EYS: variants seen among roughly 807,000 people sequenced by gnomAD.
EYS encodes EGF-like photoreceptor maintenance factor, also known as protein eyes shut homolog.
In EYS, 250 loss-of-function variants were observed where a neutral mutation model predicts 282.1. The observed-to-expected ratio is 0.89, with a 90% CI of 0.80 to 0.98. The LOEUF is 0.98. EYS is among the 50% of genes least tolerant of loss of function. The pLI is 0.00. For synonymous variants in EYS, 1,355 were observed against 1,282.9 expected (o/e 1.06, Z -1.20); for missense variants, 4,016 against 3,709.0 (o/e 1.08, Z -2.15).
chr6:64,322,629 T>C (rs564204588), intron 29 of EYS, among the ~76,000 whole-genome samples: 1 of 152,154 alleles, frequency 6.6e-6, no homozygotes, highest in South Asian at 2.1e-4. Context: ...CTATAAGTTT[T>C]GTGGTTGAGG....
rs559434616 is a variant in EYS, at chr6:64,794,755, C to T, written c.3443+18623G>A. On this transcript the variant is annotated intron_variant, in intron 22 of 42. Transcript: ENST00000503581. ...GCCATATGTGGCCATTGTTTTTATT[C>T]CTTGAAATGGGACAATTCAAATAAT... 5.3e-5 allele frequency among the ~76,000 whole-genome samples: 8 copies of T among 152,118 alleles called. No homozygotes were observed. In the East Asian group the frequency reaches 1.5e-3, roughly 29 times the overall value.
intron 26 of EYS, among the ~76,000 whole-genome samples, chr6:64,536,736 A>G (rs1053768240): frequency 3.6e-4 from 54 of 151,872 alleles, no homozygotes; most frequent in Non-Finnish European, 6.6e-4. Context: ...AATAGCATTT[A>G]CCATTTGGCT....
chr6:63,818,623 G>A (rs1771242546), intron 36 of EYS, among the ~76,000 whole-genome samples: 1 of 152,120 alleles, frequency 6.6e-6, no homozygotes, highest in South Asian at 2.1e-4. Flanking sequence ...CTTAAACCCA[G>A]TCTGGGGCCC....
At chr6:64,714,923 C>T (rs1771335814) in intron 22 of EYS, among the ~76,000 whole-genome samples, 1 of 151,964 alleles carries the variant, frequency 6.6e-6, no homozygotes, top group Non-Finnish European at 1.5e-5. Context: ...TATAAAGTGC[C>T]GCTTGAAAAT....
intron 12 of EYS, among the ~76,000 whole-genome samples, chr6:65,093,002 T>C (rs1774620609): frequency 6.6e-6 from 1 of 152,124 alleles, no homozygotes; most frequent in Admixed American, 6.6e-5. Flanking sequence ...TGCATTATCA[T>C]CAAATTATCA....
chr6:64,284,728 T>G (rs1445188279), intron 30 of EYS, among the ~76,000 whole-genome samples: 3 of 152,098 alleles, frequency 2.0e-5, no homozygotes, highest in Non-Finnish European at 2.9e-5. Context: ...AAACCCCAAT[T>G]CTTGACTTTT....
intron 26 of EYS, among the ~76,000 whole-genome samples, chr6:64,494,718 A>T (rs951839111): frequency 6.6e-6 from 1 of 151,644 alleles, no homozygotes; most frequent in African/African-American, 2.4e-5. Context: ...GGAATATGTG[A>T]CCTTAAATTC....
At chr6:65,383,400 T>C (rs1346260672) in intron 8 of EYS, among the ~76,000 whole-genome samples, 3 of 152,000 alleles carry the variant, frequency 2.0e-5, no homozygotes, top group Non-Finnish European at 1.5e-5. Flanking sequence ...GAAGCACTAT[T>C]GGTTTCTAAA....
At chr6:65,258,870 A>G (rs886332287) in intron 12 of EYS, among the ~76,000 whole-genome samples, 1 of 152,116 alleles carries the variant, frequency 6.6e-6, no homozygotes, top group African/African-American at 2.4e-5. Flanking sequence ...GTGAAATGAC[A>G]TAATTGTGAA....
chr6:65,013,707 G>C (rs1771953335), intron 13 of EYS, among the ~76,000 whole-genome samples: 3 of 152,046 alleles, frequency 2.0e-5, no homozygotes, highest in Non-Finnish European at 4.4e-5. Flanking sequence ...GAGACCCCTA[G>C]AGGTGGTGAA....
intron 12 of EYS, among the ~76,000 whole-genome samples, chr6:65,252,068 T>C (rs1767340377): frequency 2.0e-5 from 3 of 151,930 alleles, no homozygotes; most frequent in Non-Finnish European, 2.9e-5. Context: ...TTTTGTTTTA[T>C]ATTGCCTTTT....
chr6:64,854,179 G>A (rs1020168649), intron 19 of EYS, among the ~76,000 whole-genome samples: 1 of 152,132 alleles, frequency 6.6e-6, no homozygotes, highest in Non-Finnish European at 1.5e-5. Flanking sequence ...AACCATTGTG[G>A]AAGTCAGTGT....
chr6:64,526,480 AT>A (rs1157061870), intron 26 of EYS, among the ~76,000 whole-genome samples: 3 of 151,896 alleles, frequency 2.0e-5, no homozygotes, highest in South Asian at 2.1e-4. Flanking sequence ...AAAATTATAT[AT>A]TTTTTCCAGA....
At chr6:63,920,245 C>A (rs1764533074) in intron 35 of EYS, among the ~76,000 whole-genome samples, 1 of 151,942 alleles carries the variant, frequency 6.6e-6, no homozygotes. Context: ...TGTTATTTTC[C>A]TCCTGTCCTT....
At chr6:65,485,474 C>T (rs1765752152) in intron 5 of EYS, among the ~76,000 whole-genome samples, 1 of 152,192 alleles carries the variant, frequency 6.6e-6, no homozygotes, top group Non-Finnish European at 1.5e-5. Context: ...GTCAAAGTGT[C>T]AGCTCAGCTA....
In EYS at chr6:64,485,977, T is replaced by C. The variant is rs145642122; in HGVS notation, c.5645-46625A>G. 2.6e-3 allele frequency among the ~76,000 whole-genome samples: 388 copies of C among 151,418 alleles called. 3 individuals carry two copies. Among genetic ancestry groups the C allele is most frequent in the African/African-American group, 8.8e-3 (366 of 41,418 alleles). ...GACTCAGAAAGAACCCAAGAGAAAATAGACAAAGGAAATTATATGCTGGTT... is the reference window on the plus strand; with the variant it reads ...GACTCAGAAAGAACCCAAGAGAAAACAGACAAAGGAAATTATATGCTGGTT... On this transcript the variant is annotated intron_variant, in intron 26 of 42. Transcript: ENST00000503581.
At chr6:65,393,617 TAG>T (rs1207766401) in intron 7 of EYS, among the ~76,000 whole-genome samples, 1 of 152,156 alleles carries the variant, frequency 6.6e-6, no homozygotes, top group Non-Finnish European at 1.5e-5. Context: ...AGTGCATACT[TAG>T]TTAGTTATAT....
intron 19 of EYS, among the ~76,000 whole-genome samples, chr6:64,863,120 TCTATACATA>T (rs1229055558): frequency 4.6e-4 from 70 of 152,288 alleles, no homozygotes; most frequent in African/African-American, 1.6e-3. Context: ...GGTTACTGGG[TCTATACATA>T]TTTTTAACTT....
At chr6:63,796,336 A>G (rs921772350) in intron 37 of EYS, among the ~76,000 whole-genome samples, 4 of 152,162 alleles carry the variant, frequency 2.6e-5, no homozygotes, top group African/African-American at 9.7e-5. Flanking sequence ...ATTGTTCTGA[A>G]GGGGCATATT....
Sources: gnomAD v4.1 joint callset for allele counts (sites outside exome capture counted in the v4.1 genomes callset) on GRCh38, gnomAD v4.1.1 for gene constraint, MANE v1.5 for transcripts, NCBI Gene and HGNC (gene_info 2026-07-23, HGNC 2026-07-21) for gene names.